Variants in RXRA observed in about 807,000 individuals in gnomAD.
RXRA encodes the protein retinoid X receptor alpha.
RXRA carries 5 observed loss-of-function variants against 44.5 expected under a neutral mutation model. The observed-to-expected ratio is 0.11, with a 90% CI of 0.06 to 0.24. The LOEUF is 0.24. Ranked by LOEUF, RXRA falls within the 10% of genes least tolerant of loss-of-function variation. The pLI, the probability that RXRA is intolerant of heterozygous loss-of-function variation, is 1.00. For missense variants in RXRA, 412 were observed against 646.5 expected (o/e 0.64, Z 3.93); for synonymous variants, 291 against 271.4 (o/e 1.07, Z -0.71).
At chr9:134,371,265 C>T (rs1404955718) in intron 1 of RXRA, among the ~76,000 whole-genome samples, 2 of 152,166 alleles carry the variant, frequency 1.3e-5, no homozygotes, top group African/African-American at 2.4e-5. Context: ...GGAAAAGTCC[C>T]TTGACCCCCC....
rs1029544442 is a variant in RXRA at position 134,390,174 on chromosome 9, G to A, written c.29-11458G>A. Among the ~76,000 whole-genome samples the A allele has an allele frequency of 4.6e-5, 7 of 152,258 alleles. No individual in the cohort carries two copies. The East Asian group carries it at 1.4e-3, about 29-fold the overall frequency. On this transcript the variant is annotated intron_variant, in intron 1 of 9. Coordinates refer to ENST00000481739, the MANE Select transcript of RXRA (RefSeq NM_002957.6). ...ATCTCCTTGGTGCAGGGTGGAGTCC[G>A]CTCCCCAATCCCTGGGCTTAAGGGA...
At chr9:134,429,351 G>A (rs1831491322) in intron 7 of RXRA, 111 bp downstream of exon 7, 1 of 1,138,230 alleles carries the variant, frequency 8.8e-7, no homozygotes, top group Non-Finnish European at 1.2e-6. Flanking sequence ...TTATTTCAGT[G>A]CATGAAGGGT....
chr9:134,331,413 G>C lies in RXRA; in HGVS notation c.28+4754G>C, dbSNP rs142073207. Among the ~76,000 whole-genome samples, 650 of 152,330 alleles carry C rather than the reference G, an allele frequency of 4.3e-3. 9 individuals are homozygous for C. The highest frequency in any genetic ancestry group is 0.015 in the African/African-American group (610 of 41,582). On this transcript the variant is annotated intron_variant, in intron 1 of 9. Transcript: ENST00000481739. ...CGGGTGCGGACCGCGTGCAGGGCTT[G>C]GGTGTGTGCACGCTCACTGTTGCAC...
At chr9:134,381,454 C>T (rs1268229056) in intron 1 of RXRA, among the ~76,000 whole-genome samples, 2 of 152,060 alleles carry the variant, frequency 1.3e-5, no homozygotes, top group Admixed American at 6.5e-5. Flanking sequence ...GGGAAGGCTT[C>T]CTGGAGGAGG....
At chr9:134,429,916 C>T (rs1268585471) in intron 7 of RXRA, among the ~76,000 whole-genome samples, 2 of 151,926 alleles carry the variant, frequency 1.3e-5, no homozygotes, top group South Asian at 2.1e-4. Flanking sequence ...GATGGAGTCT[C>T]GCTCTGTCGC....
At chr9:134,413,924 G>T (rs753172098) in intron 4 of RXRA, among the ~76,000 whole-genome samples, 1 of 152,096 alleles carries the variant, frequency 6.6e-6, no homozygotes, top group African/African-American at 2.4e-5. Context: ...CCTCTGAGCA[G>T]CCTCCCCCGT....
At chr9:134,383,761 A>G (rs1467890914) in intron 1 of RXRA, among the ~76,000 whole-genome samples, 1 of 152,120 alleles carries the variant, frequency 6.6e-6, no homozygotes, top group Non-Finnish European at 1.5e-5. Context: ...GAGGACGGGT[A>G]GGTGGGCTGT....
chr9:134,357,420 G>A lies in RXRA; in HGVS notation c.28+30761G>A, dbSNP rs186155884. 1.4e-3 allele frequency among the ~76,000 whole-genome samples: 209 copies of A among 152,184 alleles called. 1 individual carries two copies. The highest frequency in any genetic ancestry group is 2.0e-3 in the Non-Finnish European group (136 of 68,036). On this transcript the variant is annotated intron_variant, in intron 1 of 9. Transcript: ENST00000481739. ...ACCTTGGCCCCTCTGCTGTAGCCGC[G>A]TGAAGTCAGGCGCTTTGTGGGCCTC...
chr9:134,354,733 C>T (rs1554749867), intron 1 of RXRA, among the ~76,000 whole-genome samples: 1 of 152,248 alleles, frequency 6.6e-6, no homozygotes. Context: ...TGTTCAGAGG[C>T]CGTGTTGTTG....
At chr9:134,434,275 C>A in intron 9 of RXRA, 68 bp downstream of exon 9, 1 of 1,177,454 alleles carries the variant, frequency 8.5e-7, no homozygotes, top group Non-Finnish European at 1.3e-6. Flanking sequence ...CCACCCCCTG[C>A]AAGGCCATTT....
intron 1 of RXRA, among the ~76,000 whole-genome samples, chr9:134,354,410 C>A (rs1251158333): frequency 1.3e-5 from 2 of 152,188 alleles, no homozygotes; most frequent in Non-Finnish European, 2.9e-5. Flanking sequence ...GTGGTCGGTG[C>A]GTGTGTGGTG....
At position 134,421,636 on chromosome 9, in the gene RXRA, T is replaced by G. The variant is rs1564294337; in HGVS notation, c.781-40T>G. 26 of 1,544,878 alleles carry G rather than the reference T, an allele frequency of 1.7e-5. No individual in the cohort carries two copies. The East Asian group carries it at 3.4e-4, about 20-fold the overall frequency. The stretch of plus-strand genomic sequence containing the variant: ...GGCTGTGTTTGGTCAGTACACTGGC[T>G]TCTGGGACTGAATGTCCTGCTCTTC... On this transcript the variant is annotated intron_variant, in intron 5 of 9. Transcript: ENST00000481739.
rs1036320303 is a variant in RXRA, at chr9:134,347,214, G to A, written c.28+20555G>A. 8.5e-5 allele frequency among the ~76,000 whole-genome samples: 13 copies of A among 152,202 alleles called. No individual in the cohort carries two copies. In the East Asian group the frequency reaches 2.5e-3, roughly 29 times the overall value. ...CACTGTCATCTGTGGGCAGGATGGG[G>A]CAGCCATAAGGAGAGCAGGTAGAGA... On this transcript the variant is annotated intron_variant, in intron 1 of 9. Transcript: ENST00000481739.
chr9:134,334,654 G>T (rs1457401566), intron 1 of RXRA, among the ~76,000 whole-genome samples: 1 of 152,232 alleles, frequency 6.6e-6, no homozygotes, highest in Non-Finnish European at 1.5e-5. Flanking sequence ...CAGTTTCCCT[G>T]GGGCCCTCTG....
intron 1 of RXRA, among the ~76,000 whole-genome samples, chr9:134,363,881 C>T (rs1017323552): frequency 1.2e-4 from 19 of 152,194 alleles, no homozygotes; most frequent in Non-Finnish European, 2.1e-4. Context: ...CCATCTCCCC[C>T]GGGTTTGGCA....
chr9:134,432,033 C>A, intron 8 of RXRA, 37 bp downstream of exon 8: 1 of 1,542,964 alleles, frequency 6.5e-7, no homozygotes, highest in Non-Finnish European at 8.9e-7. Context: ...TGGCCCCGTT[C>A]TCTGGTGGGG....
chr9:134,380,622 G>C (rs1483021790), intron 1 of RXRA, among the ~76,000 whole-genome samples: 3 of 152,096 alleles, frequency 2.0e-5, no homozygotes, highest in Admixed American at 6.5e-5. Flanking sequence ...CCTGCTCTCT[G>C]TGGCTGCCTC....
intron 1 of RXRA, among the ~76,000 whole-genome samples, chr9:134,336,901 C>T (rs1357827939): frequency 6.6e-5 from 10 of 152,354 alleles, no homozygotes; most frequent in Non-Finnish European, 1.3e-4. Flanking sequence ...GAAGGGAAGT[C>T]CTGTGTGTCT....
rs1023144574 is a variant in RXRA at position 134,417,809 on chromosome 9, G to A, written c.780+482G>A. On this transcript the variant is annotated intron_variant, in intron 5 of 9. Transcript: ENST00000481739. This position sits in a 1 kb window ranked among gnomAD's most constrained non-coding sequence, Gnocchi z 6.1. ...CCCTGGGCAGGTGCCCGGCAGTCGC[G>A]GTGGCTGCTGTTGATACAGGAAGCA... Among the ~76,000 whole-genome samples the A allele has an allele frequency of 1.3e-5, 2 of 152,042 alleles. No homozygotes were observed. The highest frequency in any genetic ancestry group is 4.8e-5 in the African/African-American group (2 of 41,400).
Sources: allele counts gnomAD v4.1 joint callset (sites outside exome capture counted in the v4.1 genomes callset), GRCh38; gene constraint gnomAD v4.1.1; non-coding constraint Gnocchi (gnomAD v3.1); transcripts MANE v1.5; gene names NCBI Gene and HGNC (gene_info 2026-07-23, HGNC 2026-07-21).